The following DEPDC5 variants were observed in gnomAD, a reference collection of about 807,000 sequenced individuals.
DEPDC5 encodes DEP domain containing 5, GATOR1 subcomplex subunit.
A neutral mutation model predicts 217.3 loss-of-function variants in DEPDC5; 73 were observed. That is an observed-to-expected ratio of 0.34 (90% CI 0.28 to 0.41). The LOEUF (loss-of-function observed/expected upper bound fraction) is 0.41. DEPDC5 is among the 10% of genes least tolerant of loss of function. The pLI is 1.00. For synonymous variants in DEPDC5, 733 were observed against 756.7 expected (o/e 0.97, Z 0.51); for missense variants, 1,675 against 2,070.1 (o/e 0.81, Z 3.70).
At chr22:31,758,227 A>G (rs934096290) in intron 2 of DEPDC5, among the ~76,000 whole-genome samples, 10 of 152,182 alleles carry the variant, frequency 6.6e-5, no homozygotes, top group African/African-American at 1.4e-4. Context: ...CAGATACACA[A>G]TATTTGAGGG....
At chr22:31,794,159 T>C (rs1455641248) in intron 12 of DEPDC5, among the ~76,000 whole-genome samples, 1 of 151,844 alleles carries the variant, frequency 6.6e-6, no homozygotes, top group African/African-American at 2.4e-5. Flanking sequence ...TTCCTCAACC[T>C]CATACAGATT....
intron 10 of DEPDC5, among the ~76,000 whole-genome samples, chr22:31,787,696 C>T (rs1439170427): frequency 6.6e-6 from 1 of 151,822 alleles, no homozygotes; most frequent in Non-Finnish European, 1.5e-5. Flanking sequence ...CCTCTAGTCT[C>T]AGCTACTCAA....
intron 38 of DEPDC5, among the ~76,000 whole-genome samples, chr22:31,881,421 T>A (rs1454720243): frequency 6.6e-6 from 1 of 152,016 alleles, no homozygotes; most frequent in Non-Finnish European, 1.5e-5. Context: ...CTTGAGCAGC[T>A]CCTCCTCCTT....
chr22:31,804,705 G>T (rs1197544493), intron 16 of DEPDC5, 137 bp from the exon 17 acceptor site: 14 of 790,020 alleles, frequency 1.8e-5, no homozygotes, highest in South Asian at 5.1e-5. Context: ...CTCCCAAATT[G>T]CTGGGATTAC....
chr22:31,840,069 A>G (rs147606012), intron 27 of DEPDC5, among the ~76,000 whole-genome samples: 1 of 152,340 alleles, frequency 6.6e-6, no homozygotes, highest in Non-Finnish European at 1.5e-5. Context: ...GAGAGGATTT[A>G]TAGCCCAGTC....
At chr22:31,779,498 G>A (rs1052217369) in intron 8 of DEPDC5, among the ~76,000 whole-genome samples, 3 of 152,194 alleles carry the variant, frequency 2.0e-5, no homozygotes, top group African/African-American at 4.8e-5. Context: ...AATGATGTTG[G>A]TGAGGAGATA....
intron 31 of DEPDC5, among the ~76,000 whole-genome samples, chr22:31,849,673 C>G (rs2091921266): frequency 6.6e-6 from 1 of 151,888 alleles, no homozygotes; most frequent in Non-Finnish European, 1.5e-5. Flanking sequence ...CCCAGTGACT[C>G]AAGAGGCTGA....
At chr22:31,794,263 A>G (rs892347979) in intron 12 of DEPDC5, among the ~76,000 whole-genome samples, 2 of 152,068 alleles carry the variant, frequency 1.3e-5, no homozygotes, top group Non-Finnish European at 2.9e-5. Context: ...TGACACCTCC[A>G]CTCATCCCCT....
chr22:31,754,612 A>G (rs552196322), intron 1 of DEPDC5, among the ~76,000 whole-genome samples: 3 of 152,322 alleles, frequency 2.0e-5, no homozygotes, highest in Admixed American at 2.0e-4. Context: ...TGCTTCCCCT[A>G]TGGGGGTGTG....
At chr22:31,827,417 T>C (rs138634783) in intron 24 of DEPDC5, among the ~76,000 whole-genome samples, 1 of 152,344 alleles carries the variant, frequency 6.6e-6, no homozygotes, top group African/African-American at 2.4e-5. Flanking sequence ...ATATCCATAG[T>C]CTTACTTCCA....
intron 26 of DEPDC5, 171 bp downstream of exon 26, chr22:31,837,326 T>G: frequency 3.0e-6 from 2 of 670,650 alleles, no homozygotes; most frequent in Non-Finnish European, 4.8e-6. Flanking sequence ...AAAAAAACAT[T>G]GAATTGTATT....
At chr22:31,821,413 C>G (rs979942131) in intron 22 of DEPDC5, 89 bp from the exon 23 acceptor site, 24 of 1,543,672 alleles carry the variant, frequency 1.6e-5, no homozygotes, top group Non-Finnish European at 2.0e-5. Context: ...ATCTGTATCC[C>G]AGTAGCTGGA....
chr22:31,837,464 C>T, intron 26 of DEPDC5: 1 of 414,464 alleles, frequency 2.4e-6, no homozygotes, highest in Non-Finnish European at 4.2e-6. Flanking sequence ...AGTCTTTCCA[C>T]CTCAGCCTCC....
intron 8 of DEPDC5, among the ~76,000 whole-genome samples, chr22:31,782,201 G>GA (rs2084522931): frequency 6.7e-6 from 1 of 148,388 alleles, no homozygotes; most frequent in Non-Finnish European, 1.5e-5. Context: ...GCAGTGGTAT[G>GA]ATCTTGGCTC....
intron 39 of DEPDC5, chr22:31,894,661 A>G (rs1158266522): frequency 6.6e-6 from 1 of 152,158 alleles, no homozygotes; most frequent in African/African-American, 2.4e-5. Context: ...CCTGGCCAAC[A>G]TGGTGAAACC....
chr22:31,834,377 TG>T, intron 25 of DEPDC5: 1 of 214,614 alleles, frequency 4.7e-6, no homozygotes, highest in South Asian at 9.5e-5. Flanking sequence ...GCATTCCTTT[TG>T]ATTGTCTTTT....
intron 29 of DEPDC5, 121 bp downstream of exon 29, chr22:31,843,933 GAGAC>G: frequency 8.4e-7 from 1 of 1,183,480 alleles, no homozygotes. Context: ...TCTTTGTAAA[GAGAC>G]AGGGTTGACT....
At chr22:31,902,407 A>AC (rs2093663101) in intron 41 of DEPDC5, among the ~76,000 whole-genome samples, 1 of 69,324 alleles carries the variant, frequency 1.4e-5, no homozygotes, top group Admixed American at 1.6e-4. Flanking sequence ...TCATCTCCTT[A>AC]TTATATATAT....
In DEPDC5 at chr22:31,892,450, G is replaced by A. The variant is rs1040978977; in HGVS notation, c.4034-1132G>A. 1.1e-4 allele frequency among the ~76,000 whole-genome samples: 16 copies of A among 152,320 alleles called. No individual in the cohort carries two copies. The South Asian group carries it at 2.7e-3, about 26-fold the overall frequency. ...TGTAATCCCAGCACTTTGAGAGGCC[G>A]AGGCGGGTGGAGCACCGGCGGTCAG... On this transcript the variant is annotated intron_variant, in intron 38 of 42. Coordinates refer to ENST00000651528, the MANE Select transcript of DEPDC5 (RefSeq NM_001242896.3).
Sources: gnomAD v4.1 joint callset for allele counts (sites outside exome capture counted in the v4.1 genomes callset) on GRCh38, gnomAD v4.1.1 for gene constraint, MANE v1.5 for transcripts, NCBI Gene and HGNC (gene_info 2026-07-23, HGNC 2026-07-21) for gene names.